The following SEMA6D variants were observed in gnomAD, a reference collection of about 807,000 sequenced individuals.
SEMA6D encodes semaphorin-6D.
A neutral mutation model predicts 106.6 loss-of-function variants in SEMA6D; 35 were observed. The ratio of observed to expected loss-of-function variants is 0.33; its 90% CI spans 0.25 to 0.44. SEMA6D has a LOEUF of 0.44. Among genes scored for constraint, SEMA6D ranks in the 20% least tolerant of loss-of-function variants. SEMA6D has a pLI of 1.00. For synonymous variants in SEMA6D, 499 were observed against 487.7 expected, an observed-to-expected ratio of 1.02 and a Z score of -0.31; for missense variants, 1,185 against 1,345.9, an observed-to-expected ratio of 0.88 and a Z score of 1.87.
chr15:47,205,292 T>C (rs1894982462), intron 1 of SEMA6D, among the ~76,000 whole-genome samples: 1 of 152,182 alleles, frequency 6.6e-6, no homozygotes, highest in Non-Finnish European at 1.5e-5. Flanking sequence ...TTTGATGTGA[T>C]TAACAGTTTC....
intron 1 of SEMA6D, chr15:47,359,638 C>T (rs962966680): frequency 2.0e-5 from 3 of 152,066 alleles, no homozygotes; most frequent in Non-Finnish European, 4.4e-5. Flanking sequence ...AAAATAATCT[C>T]TCCAGGGATT....
chr15:47,553,255 G>A (rs1333157484), intron 3 of SEMA6D, among the ~76,000 whole-genome samples: 1 of 151,850 alleles, frequency 6.6e-6, no homozygotes, highest in African/African-American at 2.4e-5. Context: ...AAAGTTACAG[G>A]TGAAATTCCT....
At chr15:47,611,921 G>A (rs2076914076) in intron 4 of SEMA6D, among the ~76,000 whole-genome samples, 1 of 152,162 alleles carries the variant, frequency 6.6e-6, no homozygotes, top group African/African-American at 2.4e-5. Context: ...CTTAACAGTG[G>A]CATTGAGAAA....
chr15:47,444,556 G>A (rs764741899), intron 2 of SEMA6D, among the ~76,000 whole-genome samples: 1 of 152,128 alleles, frequency 6.6e-6, no homozygotes, highest in Non-Finnish European at 1.5e-5. Context: ...ATACTCAGTT[G>A]CATCCAGAAT....
intron 1 of SEMA6D, among the ~76,000 whole-genome samples, chr15:47,365,062 C>T (rs2038961619): frequency 6.6e-6 from 1 of 152,190 alleles, no homozygotes; most frequent in Non-Finnish European, 1.5e-5. Context: ...TTAAAAGCAG[C>T]TTCCAATCAT....
At chr15:47,647,654 C>T (rs2099821746) in intron 4 of SEMA6D, among the ~76,000 whole-genome samples, 1 of 151,212 alleles carries the variant, frequency 6.6e-6, no homozygotes, top group East Asian at 1.9e-4. Flanking sequence ...GACTCTTTAA[C>T]GTTCTATTGA....
chr15:47,713,214 C>T (rs1180385110), upstream of SEMA6D, among the ~76,000 whole-genome samples: 1 of 152,120 alleles, frequency 6.6e-6, no homozygotes, highest in Non-Finnish European at 1.5e-5. Context: ...TCCCTTTCCT[C>T]AGAGTGTAGA....
chr15:47,226,435 TC>T (rs1395281626), intron 1 of SEMA6D, among the ~76,000 whole-genome samples: 2 of 152,068 alleles, frequency 1.3e-5, no homozygotes, highest in Non-Finnish European at 2.9e-5. Context: ...AACACAGACA[TC>T]AACCAAGAAG....
chr15:47,729,479 A>C (rs2079977753), intron 1 of SEMA6D, among the ~76,000 whole-genome samples: 1 of 152,196 alleles, frequency 6.6e-6, no homozygotes, highest in South Asian at 2.1e-4. Context: ...TTTTAATGGA[A>C]CTACTAGTTC....
intron 1 of SEMA6D, among the ~76,000 whole-genome samples, chr15:47,215,791 A>G (rs1172764236): frequency 6.6e-6 from 1 of 152,176 alleles, no homozygotes; most frequent in African/African-American, 2.4e-5. Context: ...TATAGATTAC[A>G]TGGGGACTAA....
At chr15:47,571,082 A>G (rs1596338651) in intron 3 of SEMA6D, among the ~76,000 whole-genome samples, 1 of 150,232 alleles carries the variant, frequency 6.7e-6, no homozygotes, top group African/African-American at 2.5e-5. Context: ...TCCCCTCCCC[A>G]CTCTTCTCCT....
chr15:47,343,065 C>T (rs1188044119), intron 1 of SEMA6D, among the ~76,000 whole-genome samples: 1 of 152,052 alleles, frequency 6.6e-6, no homozygotes, highest in Non-Finnish European at 1.5e-5. Flanking sequence ...TTAGAGTTAC[C>T]TGTATCTTCC....
intron 3 of SEMA6D, among the ~76,000 whole-genome samples, chr15:47,474,903 C>T (rs77840188): frequency 0.022 from 3,307 of 152,196 alleles, 82 homozygotes; most frequent in African/African-American, 0.057. Flanking sequence ...TACGATGTTG[C>T]GGCACGATTT....
chr15:47,329,675 A>G (rs1490897540), intron 1 of SEMA6D, among the ~76,000 whole-genome samples: 1 of 152,146 alleles, frequency 6.6e-6, no homozygotes, highest in Non-Finnish European at 1.5e-5. Context: ...TCTTTTAGGA[A>G]TGGTCTTCAG....
chr15:47,346,649 G>A (rs190000315), intron 1 of SEMA6D, among the ~76,000 whole-genome samples: 131 of 152,152 alleles, frequency 8.6e-4, no homozygotes, highest in African/African-American at 2.9e-3. Flanking sequence ...AGTAAGAGCC[G>A]AAGAAAAGAA....
At chr15:47,422,180 G>GCCTGCCTGCCTGCCTTCCTTCCTT (rs1455030787) in intron 2 of SEMA6D, among the ~76,000 whole-genome samples, 113 of 112,862 alleles carry the variant, frequency 1.0e-3, no homozygotes, top group South Asian at 7.1e-3. Context: ...CCGCCTGCCT[G>GCCTGCCTGCCTGCCTTCCTTCCTT]CCTTCCTTCC....
chr15:47,655,030 C>A (rs1291418022), intron 4 of SEMA6D, among the ~76,000 whole-genome samples: 2 of 152,178 alleles, frequency 1.3e-5, no homozygotes, highest in African/African-American at 2.4e-5. Flanking sequence ...CTAACTGTCT[C>A]ATGGTGGCAG....
intron 1 of SEMA6D, among the ~76,000 whole-genome samples, chr15:47,208,174 A>C (rs1895238509): frequency 6.6e-6 from 1 of 151,826 alleles, no homozygotes; most frequent in African/African-American, 2.4e-5. Context: ...TAGTTTCCAC[A>C]TTTTTTTTAA....
At chr15:47,458,868 AAAAT>A (rs1005511094) in intron 2 of SEMA6D, among the ~76,000 whole-genome samples, 18 of 152,156 alleles carry the variant, frequency 1.2e-4, no homozygotes, top group South Asian at 2.1e-4. Flanking sequence ...GTCAAAACCA[AAAAT>A]AAATAAATAA....
Sources: gnomAD v4.1 joint callset for allele counts (sites outside exome capture counted in the v4.1 genomes callset) on GRCh38, gnomAD v4.1.1 for gene constraint, MANE v1.5 for transcripts, NCBI Gene and HGNC (gene_info 2026-07-23, HGNC 2026-07-21) for gene names.